MAD1L1: variants seen among roughly 807,000 people sequenced by gnomAD.
MAD1L1 encodes the protein mitotic spindle assembly checkpoint protein MAD1.
Under a neutral mutation model 96.9 loss-of-function variants are expected in MAD1L1, and 95 were observed. The ratio of observed to expected loss-of-function variants is 0.98; its 90% confidence interval spans 0.83 to 1.16. The LOEUF (loss-of-function observed/expected upper bound fraction) is 1.16, where lower values mean the gene tolerates loss of function less well. MAD1L1 is among the 50% of genes most tolerant of loss of function. The pLI is 0.00. For synonymous variants in MAD1L1, 473 were observed against 396.6 expected (o/e 1.19, Z -2.29); for missense variants, 1,007 against 954.4 (o/e 1.06, Z -0.73).
rs143053036 is a variant in MAD1L1 at position 2,158,274 on chromosome 7, T to G, written c.987-9036A>C. 1.5e-3 allele frequency among the ~76,000 whole-genome samples: 225 copies of G among 152,302 alleles called. 2 individuals are homozygous for G. The highest frequency in any genetic ancestry group is 5.3e-3 in the African/African-American group (219 of 41,566). On this transcript the variant is annotated intron_variant, in intron 10 of 18. Transcript: ENST00000265854. ...GCTCCAGCCCAAGCCACAGCTATTT[T>G]GGGGCTAATAGCAGATGTTGGGGCT...
chr7:1,892,850 C>T (rs10243537), intron 18 of MAD1L1, among the ~76,000 whole-genome samples: 3 of 152,350 alleles, frequency 2.0e-5, no homozygotes, highest in East Asian at 1.9e-4. Flanking sequence ...CAGAAGCTCA[C>T]GGTTTTGCCC....
At chr7:2,050,259 G>C (rs965055135) in intron 12 of MAD1L1, among the ~76,000 whole-genome samples, 2 of 152,234 alleles carry the variant, frequency 1.3e-5, no homozygotes, top group African/African-American at 2.4e-5. Flanking sequence ...CCTTCCACCT[G>C]TTGCACTCCT....
At position 2,217,111 on chromosome 7, in the gene MAD1L1, G is replaced by A. The variant is rs571923319; in HGVS notation, c.679-824C>T. On this transcript the variant is annotated intron_variant, in intron 7 of 18. Coordinates refer to ENST00000265854, the MANE Select transcript of MAD1L1 (RefSeq NM_001013836.2). ...CATGGTAAAACATCCCACCCCTCCC[G>A]TGTCAAGCCCACTTCTGCCACTCTA... Among the ~76,000 whole-genome samples the A allele has an allele frequency of 3.9e-5, 6 of 152,224 alleles. No individual in the cohort carries two copies. In the South Asian group the frequency reaches 6.2e-4, roughly 16 times the overall value.
intron 18 of MAD1L1, among the ~76,000 whole-genome samples, chr7:1,886,592 C>G (rs1188529970): frequency 1.3e-5 from 2 of 152,242 alleles, no homozygotes; most frequent in Non-Finnish European, 2.9e-5. Flanking sequence ...TGTCTGCAAA[C>G]AGGCGTGTGG....
At chr7:2,113,637 G>T (rs967320247) in intron 11 of MAD1L1, among the ~76,000 whole-genome samples, 1 of 152,120 alleles carries the variant, frequency 6.6e-6, no homozygotes, top group Non-Finnish European at 1.5e-5. Flanking sequence ...TCTTCCCCAA[G>T]ATACTTATTA....
At chr7:2,176,199 T>G in intron 10 of MAD1L1, among the ~76,000 whole-genome samples, 1 of 152,038 alleles carries the variant, frequency 6.6e-6, no homozygotes, top group East Asian at 1.9e-4. Context: ...AATACAAAAA[T>G]TAGCTGGGCA....
chr7:1,950,668 C>A (rs1779450100), intron 16 of MAD1L1, among the ~76,000 whole-genome samples: 1 of 152,240 alleles, frequency 6.6e-6, no homozygotes, highest in Admixed American at 6.5e-5. Flanking sequence ...TCCTCCCCTG[C>A]ACCCAGGCCC....
At chr7:2,172,775 T>C (rs1363557791) in intron 10 of MAD1L1, among the ~76,000 whole-genome samples, 1 of 152,166 alleles carries the variant, frequency 6.6e-6, no homozygotes, top group African/African-American at 2.4e-5. Context: ...CGCAGTCCCA[T>C]CCCAGCCCTG....
chr7:2,000,449 C>T (rs1007838792), intron 14 of MAD1L1, among the ~76,000 whole-genome samples: 1 of 152,204 alleles, frequency 6.6e-6, no homozygotes, highest in Admixed American at 6.5e-5. Context: ...CCACACAGGG[C>T]CCACAAGGTT....
chr7:2,025,045 A>T (rs1387314035), intron 12 of MAD1L1, among the ~76,000 whole-genome samples: 1 of 152,256 alleles, frequency 6.6e-6, no homozygotes, highest in Non-Finnish European at 1.5e-5. Context: ...TTGGTTAAAA[A>T]TAATGTGTCA....
intron 17 of MAD1L1, among the ~76,000 whole-genome samples, chr7:1,934,734 C>T (rs568560352): frequency 2.0e-5 from 3 of 150,862 alleles, no homozygotes; most frequent in Non-Finnish European, 2.9e-5. Flanking sequence ...GACGGGCGAA[C>T]CCGAGATGCG....
chr7:1,878,758 C>T (rs1785521692), intron 18 of MAD1L1, among the ~76,000 whole-genome samples: 1 of 141,996 alleles, frequency 7.0e-6, no homozygotes, highest in Admixed American at 6.9e-5. Context: ...TTATTCAGCA[C>T]TGTACTGAAA....
chr7:2,002,003 G>A (rs1107591), intron 14 of MAD1L1, 62 bp downstream of exon 14: 610,398 of 1,562,244 alleles, frequency 0.39, 123,308 homozygotes, highest in East Asian at 0.56. Flanking sequence ...GGGGACAGGC[G>A]TCCCTGCCCA....
At chr7:1,866,786 G>A (rs566984024) in intron 18 of MAD1L1, among the ~76,000 whole-genome samples, 38 of 152,326 alleles carry the variant, frequency 2.5e-4, no homozygotes, top group Non-Finnish European at 4.4e-4. Flanking sequence ...CAGTGAGGGT[G>A]TACCATGACT....
intron 15 of MAD1L1, among the ~76,000 whole-genome samples, chr7:1,974,900 C>G (rs1389409591): frequency 6.6e-6 from 1 of 152,240 alleles, no homozygotes; most frequent in East Asian, 1.9e-4. Context: ...GAGAAAGAAG[C>G]AGGTCCGGGG....
At chr7:1,884,868 G>C (rs1785913720) in intron 18 of MAD1L1, among the ~76,000 whole-genome samples, 1 of 152,256 alleles carries the variant, frequency 6.6e-6, no homozygotes, top group African/African-American at 2.4e-5. Flanking sequence ...CGTGGGGCAA[G>C]GGGGCAGAGG....
intron 11 of MAD1L1, among the ~76,000 whole-genome samples, chr7:2,099,765 G>T (rs973170884): frequency 1.3e-5 from 2 of 152,252 alleles, no homozygotes; most frequent in African/African-American, 4.8e-5. Flanking sequence ...TCAGGCGTGA[G>T]CTCTCAACCC....
At chr7:1,926,077 C>T (rs1026131048) in intron 17 of MAD1L1, among the ~76,000 whole-genome samples, 3 of 152,144 alleles carry the variant, frequency 2.0e-5, no homozygotes, top group Admixed American at 1.3e-4. Flanking sequence ...GGAAGGAGTA[C>T]CGCTACGAAC....
chr7:1,877,792 A>G (rs1785461096), intron 18 of MAD1L1, among the ~76,000 whole-genome samples: 2 of 152,218 alleles, frequency 1.3e-5, no homozygotes, highest in South Asian at 4.1e-4. Flanking sequence ...AGATGAAGAC[A>G]GACATTGCAT....
Sources: gnomAD v4.1 joint callset for allele counts (sites outside exome capture counted in the v4.1 genomes callset) on GRCh38, gnomAD v4.1.1 for gene constraint, MANE v1.5 for transcripts, NCBI Gene and HGNC (gene_info 2026-07-23, HGNC 2026-07-21) for gene names.